Variants in UNC5C observed in about 807,000 individuals in gnomAD.
UNC5C encodes netrin receptor UNC5C.
UNC5C carries 47 observed loss-of-function variants against 99.8 expected under a neutral mutation model. The observed-to-expected ratio is 0.47, with a 90% CI of 0.37 to 0.60. UNC5C has a LOEUF of 0.60. UNC5C is among the 20% of genes least tolerant of loss of function. The pLI is 0.00. For missense variants in UNC5C, 1,062 were observed against 1,165.9 expected (o/e 0.91, Z 1.30); for synonymous variants, 487 against 452.2 (o/e 1.08, Z -0.98).
chr4:95,333,365 T>C (rs1743199245), intron 2 of UNC5C, among the ~76,000 whole-genome samples: 1 of 152,164 alleles, frequency 6.6e-6, no homozygotes, highest in Non-Finnish European at 1.5e-5. Flanking sequence ...ATGTGGCATA[T>C]ATACACCATG....
intron 14 of UNC5C, among the ~76,000 whole-genome samples, chr4:95,175,595 G>T (rs1339275296): frequency 6.6e-6 from 1 of 151,842 alleles, no homozygotes; most frequent in Non-Finnish European, 1.5e-5. Context: ...GGCTTGTAGA[G>T]TTTCTGCTGA....
At chr4:95,506,269 C>A (rs1560487573) in intron 1 of UNC5C, among the ~76,000 whole-genome samples, 1 of 151,944 alleles carries the variant, frequency 6.6e-6, no homozygotes. Context: ...TCTGCGGCAA[C>A]CAGTTCAGGG....
chr4:95,227,069 C>T (rs1738726170), intron 7 of UNC5C, among the ~76,000 whole-genome samples: 2 of 151,942 alleles, frequency 1.3e-5, no homozygotes, highest in African/African-American at 4.8e-5. Flanking sequence ...GTGGCCTCAG[C>T]AACTGCTTTT....
chr4:95,533,511 TATAAC>T (rs1722705378), intron 1 of UNC5C, among the ~76,000 whole-genome samples: 4 of 152,096 alleles, frequency 2.6e-5, no homozygotes, highest in Admixed American at 1.3e-4. Context: ...CATCATTAAA[TATAAC>T]ATCGTCAAAT....
At chr4:95,505,130 G>A (rs771839161) in intron 1 of UNC5C, among the ~76,000 whole-genome samples, 11 of 151,990 alleles carry the variant, frequency 7.2e-5, no homozygotes, top group South Asian at 2.1e-4. Context: ...TAACTGGTCC[G>A]TTATCAGAAT....
chr4:95,233,201 T>C (rs1483101982), intron 7 of UNC5C, among the ~76,000 whole-genome samples: 2 of 152,236 alleles, frequency 1.3e-5, no homozygotes, highest in Admixed American at 6.5e-5. Flanking sequence ...GTGTGACGTG[T>C]AATTTTTTTA....
intron 1 of UNC5C, among the ~76,000 whole-genome samples, chr4:95,402,509 TTCTGA>T (rs1745729066): frequency 6.6e-6 from 1 of 152,188 alleles, no homozygotes; most frequent in South Asian, 2.1e-4. Flanking sequence ...TTCCCTCTGT[TTCTGA>T]TCACACAGAT....
chr4:95,294,623 T>C (rs935189707), intron 3 of UNC5C, among the ~76,000 whole-genome samples: 2 of 152,118 alleles, frequency 1.3e-5, no homozygotes, highest in Non-Finnish European at 2.9e-5. Flanking sequence ...GGGTTGGAAA[T>C]TACAGTCAAA....
chr4:95,487,795 T>C (rs1488885350), intron 1 of UNC5C, among the ~76,000 whole-genome samples: 1 of 151,734 alleles, frequency 6.6e-6, no homozygotes, highest in Non-Finnish European at 1.5e-5. Flanking sequence ...TATAGGTAAG[T>C]TGGCAAGCAG....
chr4:95,333,604 G>T (rs964146238), intron 2 of UNC5C, among the ~76,000 whole-genome samples: 1 of 151,714 alleles, frequency 6.6e-6, no homozygotes. Context: ...ATAGCATTAG[G>T]AGATATACCT....
intron 1 of UNC5C, among the ~76,000 whole-genome samples, chr4:95,471,054 T>C (rs1031688794): frequency 6.6e-6 from 1 of 151,986 alleles, no homozygotes; most frequent in African/African-American, 2.4e-5. Context: ...ATTAGGAAAT[T>C]TGGAAATATC....
chr4:95,463,696 A>G (rs1257595761), intron 1 of UNC5C, among the ~76,000 whole-genome samples: 3 of 152,220 alleles, frequency 2.0e-5, no homozygotes, highest in African/African-American at 7.2e-5. Context: ...AGAACACTGC[A>G]AATCTCAGCA....
At chr4:95,485,709 G>T (rs1217210460) in intron 1 of UNC5C, among the ~76,000 whole-genome samples, 1 of 151,680 alleles carries the variant, frequency 6.6e-6, no homozygotes, top group African/African-American at 2.4e-5. Flanking sequence ...AAAAGAGAAA[G>T]ATAAGTTGTT....
intron 1 of UNC5C, among the ~76,000 whole-genome samples, chr4:95,480,985 C>T (rs1481250139): frequency 6.6e-6 from 1 of 150,398 alleles, no homozygotes; most frequent in Non-Finnish European, 1.5e-5. Flanking sequence ...TCCTATTCAA[C>T]ATAGTGTTGG....
intron 1 of UNC5C, among the ~76,000 whole-genome samples, chr4:95,540,330 G>A (rs575629312): frequency 3.0e-4 from 45 of 152,140 alleles, no homozygotes; most frequent in African/African-American, 1.0e-3. Flanking sequence ...TCTCTATTCC[G>A]GATAGCACAA....
chr4:95,177,487 C>T (rs1242962527), intron 14 of UNC5C, among the ~76,000 whole-genome samples: 3 of 152,180 alleles, frequency 2.0e-5, no homozygotes, highest in Non-Finnish European at 4.4e-5. Flanking sequence ...GGTGAGGTTG[C>T]AACTGCCTGT....
intron 1 of UNC5C, among the ~76,000 whole-genome samples, chr4:95,354,479 A>ATATATATATATTTTTTTTT: frequency 4.5e-5 from 5 of 110,352 alleles, no homozygotes; most frequent in African/African-American, 1.6e-4. Context: ...ATATATATAT[A>ATATATATATATTTTTTTTT]TTTTTTTTTT....
chr4:95,333,698 G>C (rs1743217993), intron 2 of UNC5C, among the ~76,000 whole-genome samples: 1 of 152,052 alleles, frequency 6.6e-6, no homozygotes, highest in Non-Finnish European at 1.5e-5. Flanking sequence ...TTGTGCACAT[G>C]TACCCTAAAA....
chr4:95,396,194 T>C (rs1745503849), intron 1 of UNC5C, among the ~76,000 whole-genome samples: 1 of 152,178 alleles, frequency 6.6e-6, no homozygotes, highest in African/African-American at 2.4e-5. Context: ...AGAAAACATG[T>C]GCTGACCCAT....
Sources: gnomAD v4.1 joint callset for allele counts (sites outside exome capture counted in the v4.1 genomes callset) on GRCh38, gnomAD v4.1.1 for gene constraint, MANE v1.5 for transcripts, NCBI Gene and HGNC (gene_info 2026-07-23, HGNC 2026-07-21) for gene names.